PLXNB1: variants seen among roughly 807,000 people sequenced by gnomAD.
PLXNB1 encodes the protein plexin-B1.
In PLXNB1, 106 loss-of-function variants were observed where a neutral mutation model predicts 209.4. That is an observed-to-expected ratio of 0.51 (90% CI 0.43 to 0.59). The LOEUF (loss-of-function observed/expected upper bound fraction) is 0.59, where lower values mean the gene tolerates loss of function less well. Among genes scored for constraint, PLXNB1 ranks in the 20% least tolerant of loss-of-function variants. The pLI, the probability that PLXNB1 is intolerant of heterozygous loss-of-function variation, is 0.00. For missense variants in PLXNB1, 2,357 were observed against 2,853.2 expected (o/e 0.83, Z 3.96); for synonymous variants, 1,167 against 1,183.2 (o/e 0.99, Z 0.28).
upstream of PLXNB1, among the ~76,000 whole-genome samples, chr3:48,430,296 AG>A (rs1436328575): frequency 9.2e-5 from 14 of 152,210 alleles, no homozygotes; most frequent in Admixed American, 9.2e-4. Context: ...CGCACAAGCA[AG>A]GGCTCACTTC....
In PLXNB1 at chr3:48,418,544, T is replaced by C. The variant is rs1209528769; in HGVS notation, c.2956-2A>G. 3 of 1,589,976 alleles carry C rather than the reference T, an allele frequency of 1.9e-6. No individual in the cohort carries two copies. Among genetic ancestry groups the C allele is most frequent in the Non-Finnish European group, 2.6e-6 (3 of 1,168,970 alleles). On this transcript the variant is annotated splice_acceptor_variant, in intron 13 of 37. Transcript: ENST00000296440. LOFTEE classifies it high-confidence loss of function. The surrounding 1 kb of genome is among the most constrained non-coding windows in gnomAD (Gnocchi z 6.6). ...CGGCTGCAGAGCCTCATAGCTGAGC[T>C]GGAGAAATGGGAGTGGGTTCAGAGT... is the stretch of plus-strand genomic sequence containing the variant.
At position 48,424,729 on chromosome 3, in the gene PLXNB1, G is replaced by A. The variant is rs146359728; in HGVS notation, c.-6-112C>T. ...TGCCAAGATGCTCCTCCTAACCTAG[G>A]GGGTGAGCAGAGGAGGACCAGGCTT... On this transcript the variant is annotated intron_variant, in intron 2 of 37. Coordinates refer to ENST00000296440, the MANE Select transcript of PLXNB1 (RefSeq NM_001130082.3). 492 of 1,155,562 alleles carry A rather than the reference G, an allele frequency of 4.3e-4. 2 individuals carry two copies. The African/African-American group carries it at 6.6e-3, about 15-fold the overall frequency. The allele number at this position is 1,155,562 out of a possible 1,614,324, so 71.6% of individuals were successfully genotyped here. A position where few individuals can be genotyped will look rare whatever the true frequency, so the allele number is the denominator to read the frequency against.
At chr3:48,408,599 T>C (rs1211756438) in intron 34 of PLXNB1, among the ~76,000 whole-genome samples, 1 of 152,128 alleles carries the variant, frequency 6.6e-6, no homozygotes, top group African/African-American at 2.4e-5. Context: ...TCCCTCAAAC[T>C]GTGACACTCC....
intron 1 of PLXNB1, among the ~76,000 whole-genome samples, chr3:48,427,771 C>G (rs2107038454): frequency 6.6e-6 from 1 of 152,318 alleles, no homozygotes; most frequent in South Asian, 2.1e-4. Flanking sequence ...ACCAACCATC[C>G]TCTCCCTGGG....
In PLXNB1 at chr3:48,424,305, C is replaced by G; in HGVS notation, c.307G>C (p.Val103Leu). Reference protein sequence around the residue: ...PTNNPNQLLLVSPGALVVCGS... With the variant: ...PTNNPNQLLLLSPGALVVCGS... ...CATACCACCAGGGCCCCTGGGCTCA[C>G]CAGGAGCAGCTGATTCGGGTTGTTG... Residue 103 changes from valine (V) to leucine (L), a missense_variant, in exon 3 of 38, where the codon GTG (valine) becomes CTG (leucine). Transcript: ENST00000296440. The G allele has an allele frequency of 1.9e-6, 3 of 1,567,020 alleles. No homozygotes were observed. Among genetic ancestry groups the G allele is most frequent in the Non-Finnish European group, 2.6e-6 (3 of 1,155,662 alleles).
rs749599528 is a variant in PLXNB1 at position 48,421,324 on chromosome 3, A to G, written c.1714T>C (p.Phe572Leu). Residue 572 changes from phenylalanine to leucine, a missense_variant, in exon 8 of 38, where the codon TTT becomes CTT. Physicochemically the swap from Phe to Leu is conservative, Grantham distance 22. Around this residue, in one of 7 missense-constraint regions of PLXNB1, gnomAD observed 214 missense variants for 297.1 expected, o/e 0.72. Coordinates refer to ENST00000296440, the MANE Select transcript of PLXNB1 (RefSeq NM_001130082.3). ...AGGGCAGGACTCTGATGTTCCCCAA[A>G]GTGGCAGGAATATGACTCCCCTGGC... Reference protein sequence around the residue: ...LWPGESYSCHFGEHQSPALLT... With the variant: ...LWPGESYSCHLGEHQSPALLT... The G allele has an allele frequency of 1.3e-6, 2 of 1,589,820 alleles. No individual in the cohort carries two copies. Among genetic ancestry groups the G allele is most frequent in the African/African-American group, 2.7e-5 (2 of 74,026 alleles).
At position 48,409,455 on chromosome 3, in the gene PLXNB1, G is replaced by A; in HGVS notation, c.5961C>T (p.Ile1987=). ...CAAACTGCGGGTTTTTTATTATATT[G>A]ATCCAGAACCTCAGAGGCAAGCTGC... ...KTNSLPLRFW[I]NIIKNPQFVF... The change falls in exon 34 of 38, where the codon ATC becomes ATT. Residue 1987 remains isoleucine, a synonymous_variant. Transcript: ENST00000296440. This position sits in a 1 kb window ranked among gnomAD's most constrained non-coding sequence, Gnocchi z 5.8. 1 of 1,614,110 alleles carries A rather than the reference G, an allele frequency of 6.2e-7. No individual in the cohort carries two copies. The highest frequency in any genetic ancestry group is 8.5e-7 in the Non-Finnish European group (1 of 1,180,018).
chr3:48,425,922 G>A (rs1185339513), intron 1 of PLXNB1, among the ~76,000 whole-genome samples: 1 of 151,712 alleles, frequency 6.6e-6, no homozygotes, highest in Non-Finnish European at 1.5e-5. Flanking sequence ...ACCACATGAA[G>A]ACACATCCAT....
In PLXNB1 at chr3:48,429,157, A is replaced by T. The variant is rs575896992; in HGVS notation, c.-60+851T>A. 16 of 151,992 alleles carry T rather than the reference A, an allele frequency of 1.1e-4. No individual in the cohort carries two copies. Among genetic ancestry groups the T allele is most frequent in the African/African-American group, 3.1e-4 (13 of 41,426 alleles). The allele number at this position is 151,992 out of a possible 1,614,324, so 9.4% of individuals were successfully genotyped here. On this transcript the variant is annotated intron_variant, in intron 1 of 37. Transcript: ENST00000296440. This position sits in a 1 kb window ranked among gnomAD's most constrained non-coding sequence, Gnocchi z 6.4. ...TCAAAACCAAAGCCGCCCACCACTCACCCAGGCCGCCCCTGCCCGGCGGGA... is the reference window on the plus strand; with the variant it reads ...TCAAAACCAAAGCCGCCCACCACTCTCCCAGGCCGCCCCTGCCCGGCGGGA...
rs2106772465 is a variant in PLXNB1, at chr3:48,410,491, A to C, written c.5484T>G (p.Gly1828=). ...SDEDVTSEVQ[G]LWRRLNTLQH... ...GCAGTGTGTTCAGGCGCCTCCACAG[A>C]CCCTGGACCTCAGAAGTGACATCCT... The change falls in exon 30 of 38, where the codon GGT becomes GGG. Residue 1828 remains glycine (G), a synonymous_variant. Transcript: ENST00000296440. The surrounding 1 kb of genome is among the most constrained non-coding windows in gnomAD (Gnocchi z 6.4). 6.2e-7 allele frequency: 1 copy of C among 1,613,784 alleles called. No homozygotes were observed. Among genetic ancestry groups the C allele is most frequent in the Non-Finnish European group, 8.5e-7 (1 of 1,179,956 alleles).
Position 48,423,967 on chromosome 3 carries a change from G to A in PLXNB1, c.645C>T (p.Ser215=). The part of the protein sequence containing the change: ...KLAVGRLSEY[S]HHFVSAFARG... Reference sequence around the variant, plus strand: ...GTGCAAAGGCACTCACGAAGTGGTGGCTGTACTCGGAGAGGCGGCCCACTG... The same window carrying A: ...GTGCAAAGGCACTCACGAAGTGGTGACTGTACTCGGAGAGGCGGCCCACTG... Residue 215 remains serine, a synonymous_variant, in exon 3 of 38, where the codon AGC becomes AGT. Transcript: ENST00000296440. 1 of 1,613,924 alleles carries A rather than the reference G, an allele frequency of 6.2e-7. No homozygotes were observed. The highest frequency in any genetic ancestry group is 2.2e-5 in the East Asian group (1 of 44,882).
At position 48,429,687 on chromosome 3, in the gene PLXNB1, C is replaced by T. The variant is rs1010806346; in HGVS notation, c.-60+321G>A. ...CACCGCGGCGGTCGCCATGGCAACG[C>T]GGGTCGCCCGGAGGGGTGAGGAGTG... On this transcript the variant is annotated intron_variant, in intron 1 of 37. Coordinates refer to ENST00000296440, the MANE Select transcript of PLXNB1 (RefSeq NM_001130082.3). This position sits in a 1 kb window ranked among gnomAD's most constrained non-coding sequence, Gnocchi z 6.4. 6.6e-6 allele frequency among the ~76,000 whole-genome samples: 1 copy of T among 151,896 alleles called. No homozygotes were observed. The highest frequency in any genetic ancestry group is 2.4e-5 in the African/African-American group (1 of 41,352).
rs767781473 is a variant in PLXNB1 at position 48,424,636 on chromosome 3, G to A, written c.-6-19C>T. 8.5e-6 allele frequency: 13 copies of A among 1,531,354 alleles called. No homozygotes were observed. Among genetic ancestry groups the A allele is most frequent in the Admixed American group, 3.9e-5 (2 of 50,842 alleles). The allele number at this position is 1,531,354 out of a possible 1,614,324, so 94.9% of individuals were successfully genotyped here. A position where few individuals can be genotyped will look rare whatever the true frequency, so the allele number is the denominator to read the frequency against. On this transcript the variant is annotated intron_variant, in intron 2 of 37. Coordinates refer to ENST00000296440, the MANE Select transcript of PLXNB1 (RefSeq NM_001130082.3). ...TGGTCACCTGGCAGGAAGAGAGGTC[G>A]AGAGAGTGGGGCTCACGTGGCCGCC...
In PLXNB1 at chr3:48,416,866, C is replaced by T. The variant is rs2038136557; in HGVS notation, c.3375-415G>A. The T allele has an allele frequency of 6.4e-6, 1 of 156,686 alleles. No individual in the cohort carries two copies. The highest frequency in any genetic ancestry group is 1.4e-5 in the Non-Finnish European group (1 of 71,310). 9.7% of individuals were successfully genotyped at this position (156,686 alleles called of 1,614,324 possible). ...ACTTGATTTATTCAGGAAAAAGAGTCCCTGAAAGCCTCTAGTCAGACAGGG... is the reference window on the plus strand; with the variant it reads ...ACTTGATTTATTCAGGAAAAAGAGTTCCTGAAAGCCTCTAGTCAGACAGGG... On this transcript the variant is annotated intron_variant, in intron 16 of 37. Coordinates refer to ENST00000296440, the MANE Select transcript of PLXNB1 (RefSeq NM_001130082.3). This position sits in a 1 kb window ranked among gnomAD's most constrained non-coding sequence, Gnocchi z 4.1.
chr3:48,418,916 C>A lies in PLXNB1; in HGVS notation c.2955+1G>T, dbSNP rs1182156405. On this transcript the variant is annotated splice_donor_variant, in intron 13 of 37. Coordinates refer to ENST00000296440, the MANE Select transcript of PLXNB1 (RefSeq NM_001130082.3). LOFTEE classifies it high-confidence loss of function. This position sits in a 1 kb window ranked among gnomAD's most constrained non-coding sequence, Gnocchi z 6.6. ...CCCACCCAGGCGCTCATGGTGTGCA[C>A]CTGGTGCTGCTGGCAGGTGACATGG... 1.9e-6 allele frequency: 3 copies of A among 1,613,868 alleles called. No individual in the cohort carries two copies. Among genetic ancestry groups the A allele is most frequent in the Non-Finnish European group, 2.5e-6 (3 of 1,180,012 alleles).
chr3:48,422,451 C>A lies in PLXNB1; in HGVS notation c.1299G>T (p.Leu433Phe). 6.3e-7 allele frequency: 1 copy of A among 1,588,226 alleles called. No individual in the cohort carries two copies. The highest frequency in any genetic ancestry group is 8.6e-7 in the Non-Finnish European group (1 of 1,168,118). Residue 433 changes from leucine to phenylalanine, a missense_variant, in exon 5 of 38, where the codon TTG (leucine) becomes TTT (phenylalanine). By Grantham distance (22) the Leu-to-Phe change is conservative. This residue lies in a region of PLXNB1 where 404 missense variants were observed against 443.6 expected (regional missense o/e 0.91). Transcript: ENST00000296440. ...DSQGQLHRVY[L>F]GPGSDGHPYS... ...ATGGGTGGCCATCGCTCCCTGGGCCCAAGTAGACCTGGGATCAGAGACCAC... is the reference window on the plus strand; with the variant it reads ...ATGGGTGGCCATCGCTCCCTGGGCCAAAGTAGACCTGGGATCAGAGACCAC...
rs1374062755 is a variant in PLXNB1 at position 48,412,568 on chromosome 3, T to C, written c.4907A>G (p.Tyr1636Cys). The C allele has an allele frequency of 1.9e-6, 3 of 1,613,484 alleles. No homozygotes were observed. Among genetic ancestry groups the C allele is most frequent in the Non-Finnish European group, 2.5e-6 (3 of 1,180,042 alleles). The part of the protein sequence containing the change: ...QRTFSARDRA[Y>C]VASLLTVALH... ...TGCCACGGTGAGCAGAGATGCCACG[T>C]AGGCACGGTCCCGAGCTGAAAAGGT... The change falls in exon 26 of 38, where the codon TAC (tyrosine) becomes TGC (cysteine). Residue 1636 changes from tyrosine to cysteine, a missense_variant. By Grantham distance (194) the Tyr-to-Cys change is radical (BLOSUM62 -2). Around this residue, in one of 7 missense-constraint regions of PLXNB1, gnomAD observed 743 missense variants for 896.2 expected, o/e 0.83. Transcript: ENST00000296440.
chr3:48,409,612 G>A lies in PLXNB1; in HGVS notation c.5898C>T (p.Gly1966=). 2 of 1,613,974 alleles carry A rather than the reference G, an allele frequency of 1.2e-6. No individual in the cohort carries two copies. The highest frequency in any genetic ancestry group is 1.7e-6 in the Non-Finnish European group (2 of 1,179,986). The part of the protein sequence containing the change: ...DLLDEQAQQH[G]ISDQDTIHIW... ...TGTGGATGGTGTCCTGGTCGGAGATGCCATGCTGCTGGGCCTGCTCATCCA... is the reference window on the plus strand; with the variant it reads ...TGTGGATGGTGTCCTGGTCGGAGATACCATGCTGCTGGGCCTGCTCATCCA... The change falls in exon 33 of 38, where the codon GGC becomes GGT. Residue 1966 remains glycine (G), a synonymous_variant. Transcript: ENST00000296440. This position sits in a 1 kb window ranked among gnomAD's most constrained non-coding sequence, Gnocchi z 5.8.
At chr3:48,412,107 G>T in intron 27 of PLXNB1, 98 bp from the exon 28 acceptor site, 1 of 1,488,334 alleles carries the variant, frequency 6.7e-7, no homozygotes, top group South Asian at 1.2e-5. Flanking sequence ...GGCTTAAGGG[G>T]ACTGAGGACA....
Sources: allele counts gnomAD v4.1 joint callset (sites outside exome capture counted in the v4.1 genomes callset), GRCh38; gene constraint gnomAD v4.1.1; regional missense constraint gnomAD v4.1.1; non-coding constraint Gnocchi (gnomAD v3.1); transcripts MANE v1.5; gene names NCBI Gene and HGNC (gene_info 2026-07-23, HGNC 2026-07-21).